The following SUGCT variants were observed in gnomAD, a reference collection of about 807,000 sequenced individuals.
SUGCT encodes the protein succinyl-CoA:glutarate CoA-transferase.
Under a neutral mutation model 55.0 loss-of-function variants are expected in SUGCT, and 41 were observed. The observed-to-expected ratio is 0.74, with a 90% CI of 0.58 to 0.97. SUGCT has a LOEUF of 0.97. SUGCT is among the 50% of genes least tolerant of loss of function. SUGCT has a pLI of 0.00. For synonymous variants in SUGCT, 187 were observed against 200.4 expected, an observed-to-expected ratio of 0.93 and a Z score of 0.56; for missense variants, 568 against 547.8, an observed-to-expected ratio of 1.04 and a Z score of -0.37.
the SUGCT span, among the ~76,000 whole-genome samples, chr7:41,003,826 G>C: frequency 0.021 from 3,220 of 152,278 alleles, 110 homozygotes; most frequent in African/African-American, 0.073. Context: ...AATGACAAAG[G>C]TCAGAAACAG....
intron 12 of SUGCT, among the ~76,000 whole-genome samples, chr7:40,597,848 C>A (rs1251129812): frequency 6.6e-6 from 1 of 152,124 alleles, no homozygotes; most frequent in African/African-American, 2.4e-5. Context: ...GTTGCTGTTC[C>A]TGTAACATAA....
chr7:40,556,552 T>C (rs1037175880), intron 12 of SUGCT, among the ~76,000 whole-genome samples: 1 of 152,170 alleles, frequency 6.6e-6, no homozygotes, highest in Non-Finnish European at 1.5e-5. Context: ...GTGTGAATAT[T>C]TGTAGAATGA....
chr7:40,277,761 A>G (rs1040222764), intron 8 of SUGCT, among the ~76,000 whole-genome samples: 2 of 151,634 alleles, frequency 1.3e-5, no homozygotes, highest in African/African-American at 4.8e-5. Flanking sequence ...ACATGTATAC[A>G]TGTGCCACGC....
At chr7:40,165,090 G>A (rs1240078458) in intron 1 of SUGCT, among the ~76,000 whole-genome samples, 1 of 152,184 alleles carries the variant, frequency 6.6e-6, no homozygotes, top group African/African-American at 2.4e-5. Flanking sequence ...AGCATGCTTT[G>A]AAGAGAGGCC....
chr7:40,867,877 T>C, the SUGCT span, among the ~76,000 whole-genome samples: 1 of 152,224 alleles, frequency 6.6e-6, no homozygotes. Context: ...TTACTGGTGG[T>C]TCTCTTCTAT....
At chr7:40,445,613 T>C (rs1788784700) in intron 9 of SUGCT, among the ~76,000 whole-genome samples, 2 of 152,002 alleles carry the variant, frequency 1.3e-5, no homozygotes, top group South Asian at 2.1e-4. Flanking sequence ...TTCCAAACAA[T>C]TGAAAAAGAG....
chr7:40,663,952 A>G (rs1206996680), intron 12 of SUGCT, among the ~76,000 whole-genome samples: 1 of 152,158 alleles, frequency 6.6e-6, no homozygotes, highest in Admixed American at 6.5e-5. Flanking sequence ...GGGGTAATCA[A>G]GTTAAAGTTA....
chr7:40,272,906 CGCCTT>C (rs1362634431), intron 7 of SUGCT, among the ~76,000 whole-genome samples: 3 of 151,660 alleles, frequency 2.0e-5, no homozygotes, highest in Non-Finnish European at 4.4e-5. Context: ...GTGATCTACT[CGCCTT>C]GACCTCCCAA....
At chr7:40,442,235 A>G (rs1788553940) in intron 9 of SUGCT, among the ~76,000 whole-genome samples, 1 of 152,100 alleles carries the variant, frequency 6.6e-6, no homozygotes, top group African/African-American at 2.4e-5. Flanking sequence ...CATTACTCTT[A>G]AAAGGCAGTT....
the SUGCT span, among the ~76,000 whole-genome samples, chr7:40,973,580 G>T: frequency 2.0e-5 from 3 of 152,200 alleles, no homozygotes; most frequent in Non-Finnish European, 4.4e-5. Flanking sequence ...AAGTAGGAAA[G>T]GTTTGTCCTT....
intron 10 of SUGCT, among the ~76,000 whole-genome samples, chr7:40,457,713 C>T (rs73324073): frequency 0.14 from 21,301 of 152,142 alleles, 3,765 homozygotes; most frequent in African/African-American, 0.42. Context: ...AAAAGAGTTC[C>T]AGTAAGTCAA....
intron 8 of SUGCT, among the ~76,000 whole-genome samples, chr7:40,288,411 A>G (rs1793494963): frequency 6.6e-6 from 1 of 152,176 alleles, no homozygotes; most frequent in Non-Finnish European, 1.5e-5. Context: ...TTGGTTCTCA[A>G]GCCTGGTAGA....
chr7:40,417,351 C>A (rs1787059431), intron 9 of SUGCT, among the ~76,000 whole-genome samples: 1 of 151,740 alleles, frequency 6.6e-6, no homozygotes, highest in Non-Finnish European at 1.5e-5. Flanking sequence ...ATACATTTTT[C>A]TATAAGCAAG....
At chr7:40,316,108 A>G (rs1427529416) in intron 8 of SUGCT, among the ~76,000 whole-genome samples, 2 of 152,172 alleles carry the variant, frequency 1.3e-5, no homozygotes, top group African/African-American at 4.8e-5. Context: ...GACAGTGAGC[A>G]CATGGGGCTA....
At chr7:40,885,919 CATT>C in the SUGCT span, among the ~76,000 whole-genome samples, 2 of 152,166 alleles carry the variant, frequency 1.3e-5, no homozygotes, top group Non-Finnish European at 2.9e-5. Context: ...AACTTTTTCT[CATT>C]ATAACAGATA....
At chr7:40,831,375 C>A (rs1169169487) in intron 13 of SUGCT, among the ~76,000 whole-genome samples, 1 of 152,134 alleles carries the variant, frequency 6.6e-6, no homozygotes, top group Non-Finnish European at 1.5e-5. Context: ...CTTCATGGGC[C>A]ACCCAGAAGT....
At chr7:40,404,904 A>G (rs1425274382) in intron 9 of SUGCT, among the ~76,000 whole-genome samples, 1 of 152,228 alleles carries the variant, frequency 6.6e-6, no homozygotes, top group Non-Finnish European at 1.5e-5. Flanking sequence ...GTGCCCTAGC[A>G]GTGCTGGGAA....
intron 9 of SUGCT, among the ~76,000 whole-genome samples, chr7:40,368,524 TCTTA>T (rs1421649013): frequency 3.3e-5 from 5 of 152,112 alleles, no homozygotes; most frequent in African/African-American, 7.2e-5. Flanking sequence ...ATCTGAAAGT[TCTTA>T]CTTACACAGA....
chr7:40,916,760 G>T, the SUGCT span, among the ~76,000 whole-genome samples: 1 of 152,138 alleles, frequency 6.6e-6, no homozygotes, highest in Admixed American at 6.5e-5. Context: ...CTTTTTGAGG[G>T]TCAGACTGTG....
Sources: allele counts gnomAD v4.1 joint callset (sites outside exome capture counted in the v4.1 genomes callset), GRCh38; gene constraint gnomAD v4.1.1; transcripts MANE v1.5; gene names NCBI Gene and HGNC (gene_info 2026-07-23, HGNC 2026-07-21).